Variants in SLC35A3 observed in about 807,000 individuals in gnomAD.
The protein encoded by SLC35A3 is UDP-N-acetylglucosamine transporter.
In SLC35A3, 26 loss-of-function variants were observed where a neutral mutation model predicts 39.0. The ratio of observed to expected loss-of-function variants is 0.67; its 90% confidence interval spans 0.49 to 0.92. The LOEUF is 0.92. Among genes scored for constraint, SLC35A3 ranks in the 40% least tolerant of loss-of-function variants. The probability of loss-of-function intolerance (pLI) is 0.00; values close to 1 mark genes in which losing one functional copy is unlikely to be tolerated. For synonymous variants in SLC35A3, 135 were observed against 133.1 expected, an observed-to-expected ratio of 1.01 and a Z score of -0.10; for missense variants, 299 against 371.6, an observed-to-expected ratio of 0.80 and a Z score of 1.61.
At chr1:100,019,562 A>C (rs544117560) in intron 7 of SLC35A3, among the ~76,000 whole-genome samples, 1 of 152,322 alleles carries the variant, frequency 6.6e-6, no homozygotes, top group South Asian at 2.1e-4. Flanking sequence ...ACATTTTCTC[A>C]ATCTTCATTC....
At chr1:100,010,859 G>A (rs767782342) in intron 4 of SLC35A3, among the ~76,000 whole-genome samples, 3 of 152,118 alleles carry the variant, frequency 2.0e-5, no homozygotes, top group East Asian at 1.9e-4. Context: ...AACACATTTC[G>A]TTTCCAGTGT....
rs1186087958 is a variant in SLC35A3, at chr1:100,011,438, T to G, written c.539T>G (p.Leu180Arg). ...CAATTTGTAGGACTCATGGCAGTTC[T>G]CACAGCATGTTTTTCAAGTGGCTTT... ...GSQFVGLMAV[L>R]TACFSSGFAG... The change falls in exon 5 of 8, where the codon CTC becomes CGC. Residue 180 changes from leucine (L) to arginine (R), a missense_variant. By Grantham distance (102) the Leu-to-Arg change is moderately radical. Coordinates refer to ENST00000533028, the MANE Select transcript of SLC35A3 (RefSeq NM_012243.3). 1.9e-6 allele frequency: 3 copies of G among 1,585,596 alleles called. No individual in the cohort carries two copies. The highest frequency in any genetic ancestry group is 2.6e-6 in the Non-Finnish European group (3 of 1,160,346).
rs1224334328 is a variant in SLC35A3 at position 100,028,700 on chromosome 1, AAAAG to A, written c.*6228_*6231del. Reference sequence around the variant, plus strand: ...AGGACCGATTACATATACACTCTAGAAAAGAAAATAGCAAGGAAGAAATAAATTG... The same window carrying A: ...AGGACCGATTACATATACACTCTAGAAAAATAGCAAGGAAGAAATAAATTG... On this transcript the variant is annotated 3_prime_UTR_variant, in exon 8 of 8. Transcript: ENST00000533028. The A allele has an allele frequency of 6.6e-6, 1 of 152,220 alleles. No homozygotes were observed. The highest frequency in any genetic ancestry group is 1.5e-5 in the Non-Finnish European group (1 of 68,032). The allele number at this position is 152,220 out of a possible 1,614,324, so 9.4% of individuals were successfully genotyped here.
intron 1 of SLC35A3, among the ~76,000 whole-genome samples, chr1:99,983,533 C>T (rs1358788654): frequency 1.4e-5 from 2 of 141,202 alleles, no homozygotes; most frequent in Non-Finnish European, 3.0e-5. Flanking sequence ...AGCGAGACTC[C>T]GTCTCAAAAC....
At chr1:100,004,881 A>G (rs11166391) in intron 3 of SLC35A3, among the ~76,000 whole-genome samples, 10,636 of 151,774 alleles carry the variant, frequency 0.07, 510 homozygotes, top group African/African-American at 0.14. Flanking sequence ...CTAGACCACA[A>G]TCGCACTCTA....
intron 6 of SLC35A3, 83 bp downstream of exon 6, chr1:100,015,503 G>A: frequency 7.1e-7 from 1 of 1,409,838 alleles, no homozygotes; most frequent in East Asian, 2.5e-5. Flanking sequence ...ATATACTGAT[G>A]TGAGGGGGAA....
At chr1:100,002,983 G>A (rs1033661757) in intron 3 of SLC35A3, among the ~76,000 whole-genome samples, 6 of 151,906 alleles carry the variant, frequency 3.9e-5, no homozygotes, top group Admixed American at 2.0e-4. Flanking sequence ...CTAGCTTCTC[G>A]AGGTATATTA....
At chr1:99,978,991 A>G (rs946581092) in intron 1 of SLC35A3, 2 of 152,262 alleles carry the variant, frequency 1.3e-5, no homozygotes, top group African/African-American at 4.8e-5. Flanking sequence ...GGAGAAGATT[A>G]GCATGGCCCT....
intron 2 of SLC35A3, among the ~76,000 whole-genome samples, chr1:99,997,055 ATCT>A (rs1396516532): frequency 6.6e-6 from 1 of 151,948 alleles, no homozygotes; most frequent in East Asian, 1.9e-4. Context: ...TTATGTATAT[ATCT>A]CTAAAGGATC....
intron 3 of SLC35A3, among the ~76,000 whole-genome samples, chr1:100,001,898 A>G (rs1217160183): frequency 6.6e-6 from 1 of 152,198 alleles, no homozygotes; most frequent in Non-Finnish European, 1.5e-5. Context: ...ATGGTGTATT[A>G]CATTTATTGA....
chr1:99,970,635 G>A (rs1159986402), intron 1 of SLC35A3: 4 of 1,536,042 alleles, frequency 2.6e-6, no homozygotes, highest in Admixed American at 2.0e-5. Flanking sequence ...AAATGGAAAG[G>A]CTGCCCTTGG....
chr1:99,998,626 A>T (rs1447374198), intron 2 of SLC35A3, among the ~76,000 whole-genome samples: 3 of 152,200 alleles, frequency 2.0e-5, no homozygotes, highest in African/African-American at 7.2e-5. Context: ...TCAATTTGGA[A>T]GAAAATGCAA....
intron 3 of SLC35A3, 62 bp downstream of exon 3, chr1:99,999,477 T>A (rs1375460567): frequency 3.7e-6 from 4 of 1,094,834 alleles, no homozygotes; most frequent in Non-Finnish European, 5.2e-6. Context: ...AATAATTGTA[T>A]ATATTTATGG....
intron 1 of SLC35A3, among the ~76,000 whole-genome samples, chr1:99,992,812 T>C (rs1301396988): frequency 6.6e-6 from 1 of 152,220 alleles, no homozygotes; most frequent in Non-Finnish European, 1.5e-5. Flanking sequence ...AGACTCTGTT[T>C]CCTATTTAAA....
At position 100,032,920 on chromosome 1, in the gene SLC35A3, T is replaced by TA. The variant is rs973561534; in HGVS notation, c.*10445dup. On this transcript the variant is annotated 3_prime_UTR_variant, in exon 8 of 8. Transcript: ENST00000533028. ...CTTTAGGCACAAGAAATCTGAGGCTTACCTTATATTTGTCTTGTTCCAAAT... is the reference window on the plus strand; with the variant it reads ...CTTTAGGCACAAGAAATCTGAGGCTTAACCTTATATTTGTCTTGTTCCAAAT... 3.5e-4 allele frequency: 53 copies of TA among 152,244 alleles called. No individual in the cohort carries two copies. The highest frequency in any genetic ancestry group is 1.3e-3 in the African/African-American group (52 of 41,470). The allele number at this position is 152,244 out of a possible 1,614,324, so 9.4% of individuals were successfully genotyped here.
chr1:100,017,994 T>C, intron 7 of SLC35A3, 179 bp downstream of exon 7: 1 of 380,424 alleles, frequency 2.6e-6, no homozygotes, highest in Non-Finnish European at 4.6e-6. Flanking sequence ...TCCTGAAAAG[T>C]TTCTTATACA....
chr1:100,001,290 G>A (rs1171608422), intron 3 of SLC35A3, among the ~76,000 whole-genome samples: 3 of 152,102 alleles, frequency 2.0e-5, no homozygotes, highest in South Asian at 2.1e-4. Flanking sequence ...TCCGAAGATC[G>A]CTTTTGGTAA....
At chr1:99,987,658 A>C (rs1657826935) in intron 1 of SLC35A3, among the ~76,000 whole-genome samples, 1 of 152,136 alleles carries the variant, frequency 6.6e-6, no homozygotes, top group South Asian at 2.1e-4. Context: ...ATCTCTTTGA[A>C]TATATTATAT....
rs1006838050 is a variant in SLC35A3 at position 100,029,589 on chromosome 1, C to T, written c.*7113C>T. 3 of 152,106 alleles carry T rather than the reference C, an allele frequency of 2.0e-5. No homozygotes were observed. The highest frequency in any genetic ancestry group is 6.6e-5 in the Admixed American group (1 of 15,266). 9.4% of individuals were successfully genotyped at this position (152,106 alleles called of 1,614,324 possible). A position where few individuals can be genotyped will look rare whatever the true frequency, so the allele number is the denominator to read the frequency against. On this transcript the variant is annotated 3_prime_UTR_variant, in exon 8 of 8. Coordinates refer to ENST00000533028, the MANE Select transcript of SLC35A3 (RefSeq NM_012243.3). ...GGGATTACTGGTGCTCACCACCACGCCCAACTAATTTTTGTATTTTTGGTA... is the reference window on the plus strand; with the variant it reads ...GGGATTACTGGTGCTCACCACCACGTCCAACTAATTTTTGTATTTTTGGTA...
Sources: allele counts gnomAD v4.1 joint callset (sites outside exome capture counted in the v4.1 genomes callset), GRCh38; gene constraint gnomAD v4.1.1; transcripts MANE v1.5; gene names NCBI Gene and HGNC (gene_info 2026-07-23, HGNC 2026-07-21).